Variants in ANKMY1 observed in about 807,000 individuals in gnomAD.
ANKMY1 encodes the protein ankyrin repeat and MYND domain-containing protein 1.
A neutral mutation model predicts 102.0 loss-of-function variants in ANKMY1; 98 were observed. The ratio of observed to expected loss-of-function variants is 0.96; its 90% CI spans 0.82 to 1.14. ANKMY1 has a LOEUF of 1.14. ANKMY1 is among the 50% of genes most tolerant of loss of function. The pLI, the probability that ANKMY1 is intolerant of heterozygous loss-of-function variation, is 0.00. For synonymous variants in ANKMY1, 582 were observed against 559.9 expected, an observed-to-expected ratio of 1.04 and a Z score of -0.56; for missense variants, 1,330 against 1,347.6, an observed-to-expected ratio of 0.99 and a Z score of 0.20.
the ANKMY1 span, among the ~76,000 whole-genome samples, chr2:240,473,531 A>G: frequency 0.023 from 3,468 of 151,894 alleles, 140 homozygotes; most frequent in African/African-American, 0.08. Context: ...AAAAAAGCAT[A>G]CGGGACCTAC....
chr2:240,554,655 C>G (rs563965209), intron 3 of ANKMY1: 68 of 573,668 alleles, frequency 1.2e-4, no homozygotes, highest in Non-Finnish European at 1.9e-4. Flanking sequence ...GCTTCCCAAA[C>G]CTCATCCTGG....
chr2:240,479,361 G>A, downstream of ANKMY1: 1 of 566,380 alleles, frequency 1.8e-6, no homozygotes, highest in South Asian at 2.2e-5. Context: ...AGGGGCAGAG[G>A]CAGGCACGGG....
chr2:240,477,258 G>A (rs1044646668), downstream of ANKMY1, among the ~76,000 whole-genome samples: 1 of 152,158 alleles, frequency 6.6e-6, no homozygotes, highest in Non-Finnish European at 1.5e-5. Flanking sequence ...AGAGGTTGCA[G>A]TGAGCCAAGA....
At chr2:240,557,611 G>A (rs1399612025) in intron 1 of ANKMY1, among the ~76,000 whole-genome samples, 1 of 152,216 alleles carries the variant, frequency 6.6e-6, no homozygotes, top group African/African-American at 2.4e-5. Context: ...ATCACAGCAA[G>A]GGCGGTCGCG....
intron 13 of ANKMY1, 66 bp downstream of exon 13, chr2:240,507,493 TC>T (rs975034506): frequency 3.8e-6 from 5 of 1,311,356 alleles, no homozygotes; most frequent in African/African-American, 1.8e-5. Context: ...CTCACACCCC[TC>T]ACTCAGGGCC....
chr2:240,551,521 G>T (rs1019102593), intron 4 of ANKMY1, among the ~76,000 whole-genome samples: 8 of 152,320 alleles, frequency 5.3e-5, no homozygotes, highest in African/African-American at 1.9e-4. Context: ...AGTTCTTGCT[G>T]TGCTTTGTGT....
At chr2:240,526,789 A>G in intron 5 of ANKMY1, 10 of 1,236,724 alleles carry the variant, frequency 8.1e-6, no homozygotes, top group Non-Finnish European at 1.0e-5. Flanking sequence ...GGTAGGATGG[A>G]GACCAACATA....
intron 4 of ANKMY1, among the ~76,000 whole-genome samples, chr2:240,530,435 C>T (rs893297828): frequency 1.9e-4 from 29 of 152,182 alleles, no homozygotes; most frequent in African/African-American, 6.0e-4. Flanking sequence ...ACGAGATCTG[C>T]TTGTTTAAAA....
At chr2:240,485,279 G>T (rs1166512399) in intron 15 of ANKMY1, among the ~76,000 whole-genome samples, 4 of 150,340 alleles carry the variant, frequency 2.7e-5, no homozygotes, top group Middle Eastern at 3.5e-3. Context: ...AGTGAGCCGA[G>T]ATCGCGCCCC....
intron 15 of ANKMY1, among the ~76,000 whole-genome samples, chr2:240,487,624 C>G (rs2076199727): frequency 6.6e-6 from 1 of 150,908 alleles, no homozygotes; most frequent in African/African-American, 2.5e-5. Context: ...GGCATCCTTT[C>G]TACCGTCTGT....
intron 13 of ANKMY1, among the ~76,000 whole-genome samples, chr2:240,507,165 G>C (rs2079216038): frequency 6.6e-6 from 1 of 151,946 alleles, no homozygotes; most frequent in African/African-American, 2.4e-5. Flanking sequence ...ACTAAAAGCA[G>C]ACAATATTTT....
chr2:240,527,606 G>A (rs1559332964), intron 5 of ANKMY1: 4 of 150,928 alleles, frequency 2.7e-5, no homozygotes, highest in Middle Eastern at 6.9e-3. Context: ...TGGATGGCTG[G>A]ATAAATGGAT....
At chr2:240,524,638 T>C (rs55701266) in intron 7 of ANKMY1, among the ~76,000 whole-genome samples, 11,594 of 152,290 alleles carry the variant, frequency 0.076, 579 homozygotes, top group Non-Finnish European at 0.11. Flanking sequence ...GCTCACAAAA[T>C]GTGGCCTGTC....
chr2:240,560,842 G>C (rs1353690937), upstream of ANKMY1: 2 of 1,398,132 alleles, frequency 1.4e-6, no homozygotes, highest in African/African-American at 1.5e-5. Flanking sequence ...AACGTCTCCC[G>C]CCAGCAGCCC....
chr2:240,561,063 G>A (rs777055749), upstream of ANKMY1: 6 of 1,493,190 alleles, frequency 4.0e-6, no homozygotes, highest in South Asian at 5.2e-5. Context: ...CCTCAGCCTG[G>A]CGAAGGCCTT....
intron 13 of ANKMY1, among the ~76,000 whole-genome samples, chr2:240,503,869 ATT>A (rs545265479): frequency 8.0e-4 from 122 of 152,340 alleles, no homozygotes; most frequent in African/African-American, 2.9e-3. Context: ...CAATATGACC[ATT>A]GTCTTTTAAG....
At chr2:240,540,201 T>G (rs970772982) in intron 4 of ANKMY1, among the ~76,000 whole-genome samples, 3 of 152,222 alleles carry the variant, frequency 2.0e-5, no homozygotes, top group African/African-American at 7.2e-5. Flanking sequence ...ATCCCACCTT[T>G]TTGGACCTAA....
intron 4 of ANKMY1, among the ~76,000 whole-genome samples, chr2:240,549,388 G>A (rs1460427099): frequency 1.3e-4 from 20 of 151,834 alleles, no homozygotes; most frequent in African/African-American, 4.1e-4. Flanking sequence ...AGACTTAAAC[G>A]TTAGACCTAA....
chr2:240,523,500 G>GCAC (rs2082719202), intron 8 of ANKMY1: 1 of 274,590 alleles, frequency 3.6e-6, no homozygotes, highest in East Asian at 8.4e-5. Flanking sequence ...GGACAGCAGG[G>GCAC]GTGTGAGAGC....
Sources: gnomAD v4.1 joint callset for allele counts (sites outside exome capture counted in the v4.1 genomes callset) on GRCh38, gnomAD v4.1.1 for gene constraint, MANE v1.5 for transcripts, NCBI Gene and HGNC (gene_info 2026-07-23, HGNC 2026-07-21) for gene names.